Variants in MYT1L observed in about 807,000 individuals in gnomAD.
The protein encoded by MYT1L is myelin transcription factor 1 like.
In MYT1L, 12 loss-of-function variants were observed where a neutral mutation model predicts 126.7. That is an observed-to-expected ratio of 0.09 (90% CI 0.06 to 0.15). The LOEUF (loss-of-function observed/expected upper bound fraction) is 0.15, where lower values mean the gene tolerates loss of function less well. Ranked by LOEUF, MYT1L falls within the 10% of genes least tolerant of loss-of-function variation. MYT1L has a pLI of 1.00. For synonymous variants in MYT1L, 541 were observed against 604.2 expected (o/e 0.90, Z 1.53); for missense variants, 979 against 1,585.2 (o/e 0.62, Z 6.49).
At position 1,981,521 on chromosome 2, in the gene MYT1L, C is replaced by T. The variant is rs138448808; in HGVS notation, c.1-1744G>A. Among the ~76,000 whole-genome samples the T allele has an allele frequency of 1.2e-3, 184 of 152,246 alleles. 1 individual carries two copies. The highest frequency in any genetic ancestry group is 4.2e-3 in the African/African-American group (174 of 41,536). The stretch of plus-strand genomic sequence containing the variant: ...ATGAATGAATGAATGAGTCCATTTG[C>T]TGGGAATGCTGCAGGTCAAGGAGGT... On this transcript the variant is annotated intron_variant, in intron 5 of 24. Transcript: ENST00000647738.
At chr2:2,016,781 A>G (rs2064452795) in intron 4 of MYT1L, among the ~76,000 whole-genome samples, 2 of 152,258 alleles carry the variant, frequency 1.3e-5, no homozygotes, top group African/African-American at 4.8e-5. Context: ...GATCACGTGA[A>G]GACACGAAAC....
chr2:2,257,187 C>T (rs1236674940), intron 2 of MYT1L, among the ~76,000 whole-genome samples: 1 of 152,094 alleles, frequency 6.6e-6, no homozygotes, highest in East Asian at 1.9e-4. Context: ...AGAGAATAAT[C>T]GCCATTCCCG....
At chr2:2,223,813 A>G (rs187357760) in intron 2 of MYT1L, among the ~76,000 whole-genome samples, 56 of 152,238 alleles carry the variant, frequency 3.7e-4, no homozygotes, top group African/African-American at 1.3e-3. Context: ...TTTTTCTTCT[A>G]AAAGTAACTA....
intron 8 of MYT1L, among the ~76,000 whole-genome samples, chr2:1,978,240 C>G (rs951705808): frequency 6.6e-6 from 1 of 152,194 alleles, no homozygotes; most frequent in Admixed American, 6.5e-5. Flanking sequence ...CCCAGATGTG[C>G]GGCAGATGCA....
intron 10 of MYT1L, among the ~76,000 whole-genome samples, chr2:1,920,844 AT>A (rs1166002647): frequency 2.0e-5 from 3 of 152,212 alleles, no homozygotes; most frequent in Admixed American, 6.5e-5. Context: ...GAGTCTACTG[AT>A]TCTCTTTCCT....
At chr2:1,963,775 A>G (rs934099224) in intron 8 of MYT1L, among the ~76,000 whole-genome samples, 5 of 152,250 alleles carry the variant, frequency 3.3e-5, no homozygotes, top group Admixed American at 1.3e-4. Flanking sequence ...ACAGAACTGA[A>G]GAGAGTTACA....
intron 8 of MYT1L, among the ~76,000 whole-genome samples, chr2:1,976,457 T>A (rs2060194918): frequency 6.6e-6 from 1 of 151,970 alleles, no homozygotes; most frequent in African/African-American, 2.4e-5. Flanking sequence ...GCCTGGCCAA[T>A]GTGGTGAAAC....
chr2:2,215,774 G>A (rs2093657678), intron 2 of MYT1L, among the ~76,000 whole-genome samples: 1 of 152,102 alleles, frequency 6.6e-6, no homozygotes, highest in South Asian at 2.1e-4. Flanking sequence ...GATATAGTTT[G>A]GATATTTGTC....
intron 8 of MYT1L, among the ~76,000 whole-genome samples, chr2:1,959,104 T>C (rs1240545586): frequency 6.6e-6 from 1 of 152,026 alleles, no homozygotes; most frequent in Non-Finnish European, 1.5e-5. Flanking sequence ...CATGATGACA[T>C]CAACAATCAA....
intron 3 of MYT1L, among the ~76,000 whole-genome samples, chr2:2,133,342 A>G (rs2082630200): frequency 6.6e-6 from 1 of 152,188 alleles, no homozygotes; most frequent in Non-Finnish European, 1.5e-5. Flanking sequence ...GCACATCACA[A>G]AACAGTGAAC....
At chr2:1,924,825 GTGAA>G in intron 9 of MYT1L, among the ~76,000 whole-genome samples, 1 of 152,258 alleles carries the variant, frequency 6.6e-6, no homozygotes, top group South Asian at 2.1e-4. Context: ...AATCAAACTA[GTGAA>G]TGAATCAGAA....
chr2:2,307,179 G>A (rs1450258438), intron 1 of MYT1L, among the ~76,000 whole-genome samples: 1 of 152,158 alleles, frequency 6.6e-6, no homozygotes, highest in Non-Finnish European at 1.5e-5. Context: ...CTTGAGAATG[G>A]GCGGGGAATT....
chr2:1,955,543 A>C (rs1316482411), intron 8 of MYT1L, among the ~76,000 whole-genome samples: 1 of 152,206 alleles, frequency 6.6e-6, no homozygotes, highest in African/African-American at 2.4e-5. Flanking sequence ...AGTTAGTGCA[A>C]GCAAAATACA....
chr2:2,158,932 G>C (rs117737597), intron 3 of MYT1L, among the ~76,000 whole-genome samples: 1 of 152,182 alleles, frequency 6.6e-6, no homozygotes, highest in East Asian at 1.9e-4. Context: ...CCATTTGCAC[G>C]CTTACCTATA....
At position 1,910,396 on chromosome 2, in the gene MYT1L, C is replaced by T. The variant is rs374450944; in HGVS notation, c.1710-49G>A. 140 of 1,505,164 alleles carry T rather than the reference C, an allele frequency of 9.3e-5. No homozygotes were observed. The African/African-American group carries it at 1.7e-3, about 18-fold the overall frequency. 93.2% of individuals were successfully genotyped at this position (1,505,164 alleles called of 1,614,324 possible). A position where few individuals can be genotyped will look rare whatever the true frequency, so the allele number is the denominator to read the frequency against. ...AATGGTCCCGCCTCAAACACCTTCA[C>T]AGCACACTAATCCTCCCTTAGCACC... is the stretch of plus-strand genomic sequence containing the variant. On this transcript the variant is annotated intron_variant, in intron 12 of 24. Transcript: ENST00000647738. This position sits in a 1 kb window ranked among gnomAD's most constrained non-coding sequence, Gnocchi z 4.8.
At chr2:1,963,765 A>T (rs2059136195) in intron 8 of MYT1L, among the ~76,000 whole-genome samples, 1 of 152,192 alleles carries the variant, frequency 6.6e-6, no homozygotes, top group African/African-American at 2.4e-5. Flanking sequence ...CCTTACCTTC[A>T]CAGAACTGAA....
intron 4 of MYT1L, among the ~76,000 whole-genome samples, chr2:2,013,224 G>A (rs1262722045): frequency 6.6e-6 from 1 of 152,178 alleles, no homozygotes; most frequent in Non-Finnish European, 1.5e-5. Flanking sequence ...AGCCTCCTGA[G>A]CTACTCACTC....
At chr2:1,817,648 C>A (rs6709623) in intron 21 of MYT1L, among the ~76,000 whole-genome samples, 42,285 of 152,006 alleles carry the variant, frequency 0.28, 6,632 homozygotes, top group East Asian at 0.58. Context: ...GCAGGCCCAG[C>A]GCGGCCCTGG....
intron 3 of MYT1L, among the ~76,000 whole-genome samples, chr2:2,113,772 C>T (rs1030548908): frequency 6.6e-6 from 1 of 151,846 alleles, no homozygotes; most frequent in Non-Finnish European, 1.5e-5. Flanking sequence ...GCCTCCATTA[C>T]ACAGATAGGA....
Sources: allele counts gnomAD v4.1 joint callset (sites outside exome capture counted in the v4.1 genomes callset), GRCh38; gene constraint gnomAD v4.1.1; non-coding constraint Gnocchi (gnomAD v3.1); transcripts MANE v1.5; gene names NCBI Gene and HGNC (gene_info 2026-07-23, HGNC 2026-07-21).